INTS7: variants seen among roughly 807,000 people sequenced by gnomAD.
INTS7 encodes integrator complex subunit 7.
Under a neutral mutation model 109.2 loss-of-function variants are expected in INTS7, and 46 were observed. The observed-to-expected ratio is 0.42, with a 90% CI of 0.33 to 0.54. The LOEUF (loss-of-function observed/expected upper bound fraction) is 0.54. Ranked by LOEUF, INTS7 falls within the 20% of genes least tolerant of loss-of-function variation. INTS7 has a pLI of 0.07. For missense variants in INTS7, 929 were observed against 1,132.4 expected, an observed-to-expected ratio of 0.82 and a Z score of 2.58; for synonymous variants, 412 against 402.9, an observed-to-expected ratio of 1.02 and a Z score of -0.27.
chr1:211,947,988 T>A (rs557181598), intron 17 of INTS7, among the ~76,000 whole-genome samples: 77 of 152,348 alleles, frequency 5.1e-4, no homozygotes, highest in African/African-American at 1.7e-3. Context: ...CTTCTCAGCC[T>A]TCCAAGAAGA....
chr1:211,996,698 A>G (rs2102452131), intron 7 of INTS7, among the ~76,000 whole-genome samples: 2 of 152,334 alleles, frequency 1.3e-5, no homozygotes, highest in East Asian at 3.9e-4. Flanking sequence ...TGTATCTAAC[A>G]AAATATGTGC....
At chr1:211,977,392 G>A (rs1434540960) in intron 11 of INTS7, among the ~76,000 whole-genome samples, 2 of 152,140 alleles carry the variant, frequency 1.3e-5, no homozygotes, top group African/African-American at 4.8e-5. Flanking sequence ...AGGACCGTTA[G>A]TTCAAAATGC....
chr1:212,032,774 C>T (rs191701364), intron 1 of INTS7, among the ~76,000 whole-genome samples: 195 of 152,262 alleles, frequency 1.3e-3, no homozygotes, highest in African/African-American at 4.5e-3. Context: ...CCACCACGCC[C>T]GACTGACTCT....
intron 7 of INTS7, 126 bp downstream of exon 7, chr1:212,006,513 C>A: frequency 2.5e-6 from 1 of 399,848 alleles, no homozygotes; most frequent in South Asian, 9.1e-5. Flanking sequence ...ATCAACAATG[C>A]TTTTAGAAGT....
intron 7 of INTS7, among the ~76,000 whole-genome samples, chr1:211,999,428 C>A (rs766169514): frequency 3.9e-5 from 6 of 152,154 alleles, no homozygotes; most frequent in African/African-American, 7.2e-5. Flanking sequence ...CAACAGAAAT[C>A]AGACTGGTAG....
chr1:211,947,626 A>G lies in INTS7; in HGVS notation c.2317-921T>C, dbSNP rs56992645. On this transcript the variant is annotated intron_variant, in intron 17 of 19. Coordinates refer to ENST00000366994, the MANE Select transcript of INTS7 (RefSeq NM_015434.4). ...AGCAACGGATAAATAAAGTATGCTG[A>G]CACACAGATATTCTGCTCTGCCAGT... 4.7e-3 allele frequency among the ~76,000 whole-genome samples: 719 copies of G among 152,278 alleles called. 5 individuals carry two copies. Among genetic ancestry groups the G allele is most frequent in the African/African-American group, 0.015 (627 of 41,558 alleles).
At chr1:211,965,779 T>TG (rs1663849059) in intron 16 of INTS7, among the ~76,000 whole-genome samples, 4 of 152,096 alleles carry the variant, frequency 2.6e-5, no homozygotes, top group Admixed American at 2.6e-4. Context: ...CACCACACAC[T>TG]GGGGCCTACC....
At chr1:211,955,549 T>C (rs1481230182) in intron 16 of INTS7, among the ~76,000 whole-genome samples, 1 of 152,182 alleles carries the variant, frequency 6.6e-6, no homozygotes, top group Non-Finnish European at 1.5e-5. Context: ...ATAGCTCTTA[T>C]TATTTTGAGA....
chr1:211,991,456 T>C (rs1235294916), intron 7 of INTS7, among the ~76,000 whole-genome samples: 2 of 152,216 alleles, frequency 1.3e-5, no homozygotes, highest in Non-Finnish European at 2.9e-5. Flanking sequence ...AAAATAGATA[T>C]TGGTTGCCAC....
At chr1:211,993,353 CAG>C (rs1665225567) in intron 7 of INTS7, among the ~76,000 whole-genome samples, 2 of 152,282 alleles carry the variant, frequency 1.3e-5, no homozygotes, top group African/African-American at 2.4e-5. Flanking sequence ...TGCTCTGTAA[CAG>C]AGAGGTTGCA....
Position 212,016,945 on chromosome 1 carries a change from A to G in INTS7, c.450T>C (p.His150=). 2 of 1,606,676 alleles carry G rather than the reference A, an allele frequency of 1.2e-6. No individual in the cohort carries two copies. Among genetic ancestry groups the G allele is most frequent in the African/African-American group, 2.7e-5 (2 of 74,402 alleles). The change falls in exon 4 of 20, where the codon CAT becomes CAC. Residue 150 remains histidine, a synonymous_variant. Coordinates refer to ENST00000366994, the MANE Select transcript of INTS7 (RefSeq NM_015434.4). ...HHSIRQSLDS[H]DNVEVEAAVF... The stretch of plus-strand genomic sequence containing the variant: ...CAGCAGCTTCAACTTCTACATTATC[A>G]TGTGAATCTAAACTCTGACGAATAC...
rs1176011690 is a variant in INTS7 at position 211,952,596 on chromosome 1, A to G, written c.2289T>C (p.Asn763=). The G allele has an allele frequency of 4.3e-6, 7 of 1,613,192 alleles. No homozygotes were observed. The South Asian group carries it at 6.6e-5, about 15-fold the overall frequency. ...TATAAGAAACAGGGGTATATTTCCGATTGAGTGATTCTACCTCCTCCAAGA... is the reference window on the plus strand; with the variant it reads ...TATAAGAAACAGGGGTATATTTCCGGTTGAGTGATTCTACCTCCTCCAAGA... ...NHVLEEVESL[N]RKYTPVSYMH... is the part of the protein sequence containing the mutation. Residue 763 remains asparagine (N), a synonymous_variant, in exon 17 of 20, where the codon AAT becomes AAC. Coordinates refer to ENST00000366994, the MANE Select transcript of INTS7 (RefSeq NM_015434.4).
intron 15 of INTS7, 46 bp from the exon 16 acceptor site, chr1:211,966,544 C>T: frequency 9.1e-7 from 1 of 1,100,084 alleles, no homozygotes; most frequent in Non-Finnish European, 1.4e-6. Flanking sequence ...AAGAAACCCG[C>T]TATAGGTTTC....
chr1:211,967,852 G>C (rs1663971360), intron 15 of INTS7, 26 bp downstream of exon 15: 2 of 1,265,818 alleles, frequency 1.6e-6, no homozygotes, highest in Non-Finnish European at 2.3e-6. Context: ...AAAAGAACAA[G>C]AAGTACTAGG....
chr1:211,958,999 A>T (rs1234650677), intron 16 of INTS7, among the ~76,000 whole-genome samples: 1 of 152,170 alleles, frequency 6.6e-6, no homozygotes, highest in African/African-American at 2.4e-5. Context: ...CTGCATGGGG[A>T]TATCGCACCG....
intron 16 of INTS7, chr1:211,966,067 T>C (rs1571856664): frequency 1.3e-5 from 2 of 159,640 alleles, no homozygotes; most frequent in South Asian, 3.8e-4. Flanking sequence ...AGGGGAAAAA[T>C]TTAAAAGAGC....
chr1:211,984,913 ATTTC>A (rs1355232104), intron 8 of INTS7, among the ~76,000 whole-genome samples: 3 of 151,994 alleles, frequency 2.0e-5, no homozygotes, highest in Non-Finnish European at 4.4e-5. Flanking sequence ...ATGTGTCATA[ATTTC>A]TTTGAGTCCT....
chr1:211,952,478 T>C (rs1185220195), intron 17 of INTS7, 91 bp downstream of exon 17: 5 of 1,318,374 alleles, frequency 3.8e-6, no homozygotes, highest in Non-Finnish European at 5.3e-6. Flanking sequence ...CACAGAAAGG[T>C]TAATTTGTTG....
At chr1:211,961,831 T>C (rs893734592) in intron 16 of INTS7, among the ~76,000 whole-genome samples, 3 of 152,104 alleles carry the variant, frequency 2.0e-5, no homozygotes, top group East Asian at 3.8e-4. Flanking sequence ...GACAAGCAAA[T>C]GCTGAGGGAA....
Sources: gnomAD v4.1 joint callset for allele counts (sites outside exome capture counted in the v4.1 genomes callset) on GRCh38, gnomAD v4.1.1 for gene constraint, MANE v1.5 for transcripts, NCBI Gene and HGNC (gene_info 2026-07-23, HGNC 2026-07-21) for gene names.